The following PDE1A variants were observed in gnomAD, a reference collection of about 807,000 sequenced individuals.
The protein encoded by PDE1A is phosphodiesterase 1A.
PDE1A carries 35 observed loss-of-function variants against 61.7 expected under a neutral mutation model. The ratio of observed to expected loss-of-function variants is 0.57; its 90% CI spans 0.43 to 0.75. The LOEUF (loss-of-function observed/expected upper bound fraction) is 0.75, where lower values mean the gene tolerates loss of function less well. PDE1A is among the 30% of genes least tolerant of loss of function. The pLI, the probability that PDE1A is intolerant of heterozygous loss-of-function variation, is 0.00. For synonymous variants in PDE1A, 232 were observed against 213.2 expected (o/e 1.09, Z -0.77); for missense variants, 597 against 630.6 (o/e 0.95, Z 0.57).
At chr2:182,302,462 A>T (rs1574296327) in intron 1 of PDE1A, among the ~76,000 whole-genome samples, 1 of 152,256 alleles carries the variant, frequency 6.6e-6, no homozygotes, top group Admixed American at 6.5e-5. Flanking sequence ...ATGCATAAAA[A>T]TGTATATAAC....
At chr2:182,374,050 G>A (rs1414113805) in intron 1 of PDE1A, among the ~76,000 whole-genome samples, 5 of 152,006 alleles carry the variant, frequency 3.3e-5, no homozygotes, top group African/African-American at 7.2e-5. Flanking sequence ...TTTGGTGAAT[G>A]GTGGAGGAGA....
At chr2:182,642,892 A>G in the PDE1A span, among the ~76,000 whole-genome samples, 1 of 152,090 alleles carries the variant, frequency 6.6e-6, no homozygotes. Flanking sequence ...ACTCCCTTTA[A>G]TTGGCTCCAG....
chr2:182,430,326 C>T (rs1703869168), upstream of PDE1A, among the ~76,000 whole-genome samples: 1 of 121,474 alleles, frequency 8.2e-6, no homozygotes, highest in Non-Finnish European at 1.7e-5. Context: ...CAAAAGAAGA[C>T]ATTTATGCAG....
the PDE1A span, among the ~76,000 whole-genome samples, chr2:182,572,496 A>G: frequency 4.6e-5 from 7 of 152,344 alleles, no homozygotes; most frequent in South Asian, 1.5e-3. Context: ...AATAATTACT[A>G]TCCAATTCCT....
At chr2:182,322,152 A>G (rs184666062) in intron 1 of PDE1A, among the ~76,000 whole-genome samples, 260 of 152,314 alleles carry the variant, frequency 1.7e-3, no homozygotes, top group Non-Finnish European at 3.1e-3. Context: ...CTTTTATAAA[A>G]AGAGATAAGA....
chr2:182,500,091 T>C (rs1688999349), intron 2 of PDE1A, among the ~76,000 whole-genome samples: 1 of 152,240 alleles, frequency 6.6e-6, no homozygotes, highest in Non-Finnish European at 1.5e-5. Context: ...TTTGCACTTC[T>C]TTCGGTGAAC....
intron 1 of PDE1A, among the ~76,000 whole-genome samples, chr2:182,313,789 T>C (rs1022956835): frequency 1.3e-5 from 2 of 152,158 alleles, no homozygotes; most frequent in African/African-American, 2.4e-5. Context: ...GGGGAGATAA[T>C]ATGAAGAAGT....
At chr2:182,579,562 G>A in the PDE1A span, among the ~76,000 whole-genome samples, 2 of 152,262 alleles carry the variant, frequency 1.3e-5, no homozygotes, top group South Asian at 4.1e-4. Flanking sequence ...TCCCCAAGTG[G>A]CATGGTCTGC....
chr2:182,246,452 G>A (rs1486617114), intron 2 of PDE1A, among the ~76,000 whole-genome samples: 2 of 123,714 alleles, frequency 1.6e-5, no homozygotes, highest in African/African-American at 3.1e-5. Flanking sequence ...CGCTCAGGCT[G>A]TAGTGCAGTG....
At chr2:182,660,727 C>T in the PDE1A span, among the ~76,000 whole-genome samples, 8 of 152,160 alleles carry the variant, frequency 5.3e-5, no homozygotes, top group African/African-American at 1.4e-4. Flanking sequence ...ACATGGACAT[C>T]GGTCCTGGAG....
the PDE1A span, among the ~76,000 whole-genome samples, chr2:182,601,113 C>G: frequency 5.9e-5 from 9 of 152,238 alleles, no homozygotes; most frequent in African/African-American, 1.2e-4. Flanking sequence ...ACCCACTCGG[C>G]CTGGCAGGCT....
chr2:182,283,923 G>T (rs759246014), intron 1 of PDE1A, among the ~76,000 whole-genome samples: 12 of 152,038 alleles, frequency 7.9e-5, no homozygotes, highest in Non-Finnish European at 1.5e-4. Flanking sequence ...GGAAAACTTT[G>T]ATGACACATG....
intron 1 of PDE1A, among the ~76,000 whole-genome samples, chr2:182,289,759 T>C (rs764005940): frequency 2.6e-5 from 4 of 152,154 alleles, no homozygotes; most frequent in Non-Finnish European, 5.9e-5. Context: ...AATTCTCATC[T>C]TCTCTTTTGA....
At chr2:182,697,603 C>A in the PDE1A span, among the ~76,000 whole-genome samples, 4 of 152,356 alleles carry the variant, frequency 2.6e-5, no homozygotes, top group African/African-American at 9.6e-5. Context: ...GATAGTCTCT[C>A]TTTCATTCTC....
rs1212092679 is a variant in PDE1A at position 182,216,159 on chromosome 2, C to T, written c.776+7705G>A. ...TCCGGCATATAAACAGAGCCAAAGA[C>T]AAAAACCACATGATTATCTCAATAG... On this transcript the variant is annotated intron_variant, in intron 7 of 13. Transcript: ENST00000351439. Among the ~76,000 whole-genome samples the T allele has an allele frequency of 2.6e-5, 2 of 77,868 alleles. 1 individual carries two copies. 51.1% of individuals were successfully genotyped at this position (77,868 alleles called of 152,430 possible).
chr2:182,472,751 G>C (rs1687109754), intron 2 of PDE1A, among the ~76,000 whole-genome samples: 1 of 147,222 alleles, frequency 6.8e-6, no homozygotes, highest in Non-Finnish European at 1.5e-5. Flanking sequence ...TAGCTCAACT[G>C]CTATTAAATT....
the PDE1A span, among the ~76,000 whole-genome samples, chr2:182,639,900 A>T: frequency 6.7e-6 from 1 of 149,734 alleles, no homozygotes. Context: ...TAGATAATCT[A>T]TATATTATAA....
upstream of PDE1A, among the ~76,000 whole-genome samples, chr2:182,526,070 GAA>G (rs1345481895): frequency 6.6e-6 from 1 of 151,972 alleles, no homozygotes; most frequent in Non-Finnish European, 1.5e-5. Context: ...ATGGCTTCAA[GAA>G]AAAGTGGATT....
At chr2:182,508,192 AT>A (rs1689539529) in intron 2 of PDE1A, among the ~76,000 whole-genome samples, 1 of 151,864 alleles carries the variant, frequency 6.6e-6, no homozygotes, top group Admixed American at 6.6e-5. Context: ...ACATTCTTTT[AT>A]GATTTAAAAT....
Sources: allele counts gnomAD v4.1 joint callset (sites outside exome capture counted in the v4.1 genomes callset), GRCh38; gene constraint gnomAD v4.1.1; transcripts MANE v1.5; gene names NCBI Gene and HGNC (gene_info 2026-07-23, HGNC 2026-07-21).